The following ERO1A variants were observed in gnomAD, a reference collection of about 807,000 sequenced individuals.
ERO1A encodes endoplasmic reticulum oxidoreductase 1 alpha.
Under a neutral mutation model 76.9 loss-of-function variants are expected in ERO1A, and 49 were observed. That is an observed-to-expected ratio of 0.64 (90% CI 0.51 to 0.81). The LOEUF (loss-of-function observed/expected upper bound fraction) is 0.81, where lower values mean the gene tolerates loss of function less well. Among genes scored for constraint, ERO1A ranks in the 30% least tolerant of loss-of-function variants. The pLI is 0.00. For missense variants in ERO1A, 448 were observed against 542.1 expected (o/e 0.83, Z 1.72); for synonymous variants, 174 against 181.2 (o/e 0.96, Z 0.32).
intron 6 of ERO1A, among the ~76,000 whole-genome samples, chr14:52,667,238 A>T (rs573347268): frequency 3.3e-5 from 5 of 152,332 alleles, no homozygotes; most frequent in African/African-American, 1.2e-4. Context: ...GGCCAAAAGC[A>T]AAAGTTACAA....
At chr14:52,662,663 T>C (rs543281415) in intron 8 of ERO1A, among the ~76,000 whole-genome samples, 67 of 151,948 alleles carry the variant, frequency 4.4e-4, no homozygotes, top group Non-Finnish European at 8.2e-4. Flanking sequence ...TTGTAAATTT[T>C]AATTTTACAT....
At chr14:52,691,328 C>T (rs1237827515) in intron 1 of ERO1A, among the ~76,000 whole-genome samples, 1 of 152,200 alleles carries the variant, frequency 6.6e-6, no homozygotes, top group Non-Finnish European at 1.5e-5. Context: ...CGCTACAGGT[C>T]ATTTTGGCTT....
intron 9 of ERO1A, among the ~76,000 whole-genome samples, chr14:52,659,418 G>A (rs1337670854): frequency 6.6e-6 from 1 of 152,128 alleles, no homozygotes; most frequent in African/African-American, 2.4e-5. Flanking sequence ...CAAAATGTTA[G>A]CAGAGAAGCG....
intron 6 of ERO1A, 89 bp from the exon 7 acceptor site, chr14:52,666,584 G>T: frequency 4.3e-6 from 5 of 1,162,132 alleles, no homozygotes; most frequent in Non-Finnish European, 6.0e-6. Flanking sequence ...TGATTCTAAC[G>T]CACCACAAAT....
chr14:52,646,340 G>T, intron 14 of ERO1A, 35 bp downstream of exon 14: 1 of 1,604,896 alleles, frequency 6.2e-7, no homozygotes, highest in Non-Finnish European at 8.5e-7. Context: ...CATGCAAAGG[G>T]TAAATGAGAA....
intron 12 of ERO1A, 70 bp downstream of exon 12, chr14:52,652,999 A>C: frequency 8.1e-7 from 1 of 1,233,374 alleles, no homozygotes; most frequent in Non-Finnish European, 1.1e-6. Context: ...TGTCTCAAAA[A>C]AAAAAAAATT....
In ERO1A at chr14:52,688,144, C is replaced by T. The variant is rs183248837; in HGVS notation, c.115-4237G>A. ...GAGGCTGCAGTGAGCCATAATCATG[C>T]CAATGTACTCCAGCCTAAATGACAG... On this transcript the variant is annotated intron_variant, in intron 1 of 15. Transcript: ENST00000395686. 2.1e-3 allele frequency among the ~76,000 whole-genome samples: 313 copies of T among 151,990 alleles called. 2 individuals are homozygous for T. Among genetic ancestry groups the T allele is most frequent in the Non-Finnish European group, 4.0e-3 (271 of 67,980 alleles).
intron 11 of ERO1A, among the ~76,000 whole-genome samples, chr14:52,656,810 C>T (rs1189050195): frequency 1.3e-5 from 2 of 151,998 alleles, no homozygotes; most frequent in East Asian, 1.9e-4. Flanking sequence ...GCTATAATCC[C>T]AGTACTCTGG....
At chr14:52,650,296 C>T (rs1416181663) in intron 13 of ERO1A, among the ~76,000 whole-genome samples, 2 of 150,280 alleles carry the variant, frequency 1.3e-5, no homozygotes, top group Non-Finnish European at 3.0e-5. Context: ...ACATATCTAC[C>T]ATATCTAGTA....
intron 13 of ERO1A, 73 bp downstream of exon 13, chr14:52,652,166 A>G (rs1238955076): frequency 5.3e-6 from 5 of 935,672 alleles, no homozygotes; most frequent in African/African-American, 3.3e-5. Flanking sequence ...CTCTACTTCT[A>G]TGAGTACTAT....
chr14:52,645,248 A>G (rs534769349), intron 15 of ERO1A, among the ~76,000 whole-genome samples: 1 of 152,174 alleles, frequency 6.6e-6, no homozygotes, highest in South Asian at 2.1e-4. Flanking sequence ...GATAAGATGA[A>G]TATTAAAATT....
chr14:52,663,665 G>A (rs960896227), intron 8 of ERO1A, 136 bp downstream of exon 8: 11 of 530,290 alleles, frequency 2.1e-5, no homozygotes, highest in Non-Finnish European at 3.8e-5. Context: ...CTGCAAGCGT[G>A]AGGCATAACT....
intron 1 of ERO1A, among the ~76,000 whole-genome samples, chr14:52,687,860 AG>A (rs1289682732): frequency 6.6e-6 from 1 of 152,202 alleles, no homozygotes; most frequent in African/African-American, 2.4e-5. Flanking sequence ...GGACCAAGGT[AG>A]GCCTGACAAG....
intron 1 of ERO1A, 70 bp downstream of exon 1, chr14:52,695,298 C>A: frequency 9.3e-7 from 1 of 1,071,608 alleles, no homozygotes; most frequent in South Asian, 3.0e-5. Flanking sequence ...GCTCACCCGC[C>A]AGGGCGTGCG....
chr14:52,647,224 T>C (rs1322981091), intron 13 of ERO1A: 1 of 135,926 alleles, frequency 7.4e-6, no homozygotes, highest in Admixed American at 7.9e-5. Context: ...ATGGTCTCGA[T>C]CTCCTGACCT....
At chr14:52,657,254 C>T (rs776215209) in intron 11 of ERO1A, among the ~76,000 whole-genome samples, 1 of 152,196 alleles carries the variant, frequency 6.6e-6, no homozygotes, top group Non-Finnish European at 1.5e-5. Context: ...TCTGGGCACA[C>T]TGCCTATGGG....
intron 4 of ERO1A, among the ~76,000 whole-genome samples, chr14:52,677,864 TAAAAAAAAA>T (rs71267893): frequency 1.6e-4 from 14 of 87,140 alleles, no homozygotes; most frequent in Non-Finnish European, 2.3e-4. Flanking sequence ...CCTTTTATCT[TAAAAAAAAA>T]AAAAAAAAAA....
rs1457236248 is a variant in ERO1A at position 52,683,864 on chromosome 14, A to G, written c.158T>C (p.Ile53Thr). ...LDDCTCDVET[I>T]DRFNNYRLFP... ...AAGCCTGTAGTTATTAAATCTATCA[A>G]TGGTTTCAACATCACAGGTACAATC... Residue 53 changes from isoleucine to threonine, a missense_variant, in exon 2 of 16, where the codon ATT becomes ACT. Physicochemically the swap from Ile to Thr is moderately conservative, Grantham distance 89 (BLOSUM62 -1). Transcript: ENST00000395686. 7 of 1,588,962 alleles carry G rather than the reference A, an allele frequency of 4.4e-6. No individual in the cohort carries two copies. The highest frequency in any genetic ancestry group is 2.3e-5 in the South Asian group (2 of 87,656).
At chr14:52,678,285 A>C in intron 4 of ERO1A, 149 bp downstream of exon 4, 1 of 528,470 alleles carries the variant, frequency 1.9e-6, no homozygotes, top group Non-Finnish European at 3.4e-6. Context: ...GTTAAACAAA[A>C]ACAAACAGAA....
Sources: gnomAD v4.1 joint callset for allele counts (sites outside exome capture counted in the v4.1 genomes callset) on GRCh38, gnomAD v4.1.1 for gene constraint, MANE v1.5 for transcripts, NCBI Gene and HGNC (gene_info 2026-07-23, HGNC 2026-07-21) for gene names.